SNTG1: variants seen among roughly 807,000 people sequenced by gnomAD.
SNTG1 encodes syntrophin gamma 1.
SNTG1 carries 39 observed loss-of-function variants against 74.7 expected under a neutral mutation model. The observed-to-expected ratio is 0.52, with a 90% CI of 0.40 to 0.68. The LOEUF (loss-of-function observed/expected upper bound fraction) is 0.68, where lower values mean the gene tolerates loss of function less well. Ranked by LOEUF, SNTG1 falls within the 30% of genes least tolerant of loss-of-function variation. The pLI is 0.00. For synonymous variants in SNTG1, 254 were observed against 217.1 expected (o/e 1.17, Z -1.49); for missense variants, 685 against 609.5 (o/e 1.12, Z -1.30).
intron 8 of SNTG1, among the ~76,000 whole-genome samples, chr8:50,473,852 T>C (rs996194680): frequency 6.6e-6 from 1 of 152,154 alleles, no homozygotes; most frequent in Non-Finnish European, 1.5e-5. Flanking sequence ...TTATATGGGG[T>C]ACCTAGAGTA....
Position 50,769,285 on chromosome 8 carries a change from C to T in SNTG1, c.1395+17174C>T, listed in dbSNP as rs147600311. 4.7e-4 allele frequency among the ~76,000 whole-genome samples: 71 copies of T among 152,016 alleles called. 1 individual carries two copies. The highest frequency in any genetic ancestry group is 1.1e-3 in the African/African-American group (46 of 41,534). On this transcript the variant is annotated intron_variant, in intron 18 of 18. Coordinates refer to ENST00000642720, the MANE Select transcript of SNTG1 (RefSeq NM_018967.5). ...TCAAAGGGAACATGCCTATAGTATG[C>T]AGCATTTTGTTTTATCCTTTTTGAC...
At chr8:50,520,647 T>C (rs762010234) in intron 9 of SNTG1, among the ~76,000 whole-genome samples, 7 of 152,292 alleles carry the variant, frequency 4.6e-5, no homozygotes, top group Non-Finnish European at 7.4e-5. Context: ...AAGACATCTA[T>C]GCAGCCAACA....
At chr8:50,360,936 C>T (rs1347772793) in intron 2 of SNTG1, among the ~76,000 whole-genome samples, 1 of 152,116 alleles carries the variant, frequency 6.6e-6, no homozygotes, top group East Asian at 1.9e-4. Flanking sequence ...ACAGGCTACA[C>T]AAATTTATTT....
chr8:50,374,643 A>G (rs999056496), intron 2 of SNTG1, among the ~76,000 whole-genome samples: 5 of 152,198 alleles, frequency 3.3e-5, no homozygotes, highest in Non-Finnish European at 5.9e-5. Flanking sequence ...GGCTTCAAGA[A>G]GAGTGGCCTA....
rs185242559 is a variant in SNTG1 at position 50,367,901 on chromosome 8, G to A, written c.-27-26311G>A. On this transcript the variant is annotated intron_variant, in intron 2 of 18. Transcript: ENST00000642720. ...GCTGCTATAACTAATACCTAAAAAT[G>A]TGGACCTGGCTTGGCCTTGGCTTGG... Among the ~76,000 whole-genome samples the A allele has an allele frequency of 1.7e-3, 265 of 152,230 alleles. 2 individuals carry two copies. The highest frequency in any genetic ancestry group is 0.01 in the Middle Eastern group (3 of 294).
At chr8:50,576,444 G>A (rs1387765832) in intron 12 of SNTG1, among the ~76,000 whole-genome samples, 2 of 152,030 alleles carry the variant, frequency 1.3e-5, no homozygotes, top group Non-Finnish European at 2.9e-5. Flanking sequence ...TTGGCAATTC[G>A]GGAGGGCCCT....
intron 15 of SNTG1, among the ~76,000 whole-genome samples, chr8:50,668,622 T>G (rs1286258608): frequency 2.0e-5 from 3 of 151,830 alleles, no homozygotes; most frequent in Non-Finnish European, 4.4e-5. Flanking sequence ...CCTGCACCTA[T>G]CGACCTGTCC....
intron 13 of SNTG1, among the ~76,000 whole-genome samples, chr8:50,653,472 T>A (rs960922186): frequency 2.6e-5 from 4 of 152,228 alleles, no homozygotes; most frequent in Non-Finnish European, 5.9e-5. Flanking sequence ...GCGTTTATTC[T>A]ATTTACCTGC....
intron 1 of SNTG1, among the ~76,000 whole-genome samples, chr8:49,999,722 C>A (rs191278671): frequency 2.0e-5 from 3 of 152,206 alleles, no homozygotes; most frequent in Non-Finnish European, 4.4e-5. Flanking sequence ...GCTTTTTGCC[C>A]GTTTCCTGAA....
chr8:50,350,409 T>C (rs1000597801), intron 2 of SNTG1, among the ~76,000 whole-genome samples: 9 of 152,156 alleles, frequency 5.9e-5, no homozygotes, highest in African/African-American at 2.2e-4. Context: ...TTCAAGAACC[T>C]TTATGTCTAG....
Position 50,483,961 on chromosome 8 carries a change from T to C in SNTG1, c.364-18817T>C, listed in dbSNP as rs141218369. Among the ~76,000 whole-genome samples, 1,077 of 152,290 alleles carry C rather than the reference T, an allele frequency of 7.1e-3. 12 individuals carry two copies. The highest frequency in any genetic ancestry group is 0.025 in the African/African-American group (1,020 of 41,566). On this transcript the variant is annotated intron_variant, in intron 8 of 18. Coordinates refer to ENST00000642720, the MANE Select transcript of SNTG1 (RefSeq NM_018967.5). ...CATTTATATAGCTATGGTTTTACTA[T>C]TATGAATTTAGAGTGAATATGTGTA...
At chr8:50,335,100 G>C (rs746059428) in intron 2 of SNTG1, among the ~76,000 whole-genome samples, 2 of 152,216 alleles carry the variant, frequency 1.3e-5, no homozygotes, top group African/African-American at 2.4e-5. Context: ...TTCAAACAAT[G>C]TTGATTTCCT....
chr8:50,093,558 C>T (rs1166626767), intron 1 of SNTG1, among the ~76,000 whole-genome samples: 1 of 152,060 alleles, frequency 6.6e-6, no homozygotes, highest in Non-Finnish European at 1.5e-5. Flanking sequence ...TAGGGCTGGA[C>T]TAGAACTTCA....
At chr8:50,708,594 T>C (rs1489547652) in intron 16 of SNTG1, 3 of 309,930 alleles carry the variant, frequency 9.7e-6, no homozygotes, top group African/African-American at 6.4e-5. Flanking sequence ...ACCACCTTTA[T>C]TGTCAACACA....
At chr8:50,368,791 A>G (rs2092191186) in intron 2 of SNTG1, among the ~76,000 whole-genome samples, 1 of 152,174 alleles carries the variant, frequency 6.6e-6, no homozygotes, top group Non-Finnish European at 1.5e-5. Context: ...TTCAGATTTA[A>G]TGAAATTGCC....
intron 15 of SNTG1, among the ~76,000 whole-genome samples, chr8:50,699,696 G>A (rs562542065): frequency 6.6e-6 from 1 of 152,092 alleles, no homozygotes; most frequent in African/African-American, 2.4e-5. Flanking sequence ...CTTTCCAGTT[G>A]GCAAAAAAGT....
At chr8:49,926,725 G>T (rs1000346915) in intron 1 of SNTG1, among the ~76,000 whole-genome samples, 1 of 152,002 alleles carries the variant, frequency 6.6e-6, no homozygotes, top group African/African-American at 2.4e-5. Context: ...ATCTTTCAAA[G>T]AAATAATTGA....
At chr8:50,650,074 C>A (rs1257116830) in intron 13 of SNTG1, among the ~76,000 whole-genome samples, 1 of 150,608 alleles carries the variant, frequency 6.6e-6, no homozygotes. Flanking sequence ...TTACTGATCT[C>A]CAAAGAATAA....
At chr8:50,231,617 A>G (rs1186624001) in intron 2 of SNTG1, among the ~76,000 whole-genome samples, 1 of 151,436 alleles carries the variant, frequency 6.6e-6, no homozygotes, top group Non-Finnish European at 1.5e-5. Flanking sequence ...TAAATAAGCC[A>G]GAAACAAGAA....
Sources: allele counts gnomAD v4.1 joint callset (sites outside exome capture counted in the v4.1 genomes callset), GRCh38; gene constraint gnomAD v4.1.1; transcripts MANE v1.5; gene names NCBI Gene and HGNC (gene_info 2026-07-23, HGNC 2026-07-21).